VAT1L: variants seen among roughly 807,000 people sequenced by gnomAD.
The protein encoded by VAT1L is vesicle amine transport 1 like, also known as putative NADPH-dependent quinone oxidoreductase VAT1L.
VAT1L carries 34 observed loss-of-function variants against 44.1 expected under a neutral mutation model. The observed-to-expected ratio is 0.77, with a 90% confidence interval of 0.59 to 1.03. The LOEUF (loss-of-function observed/expected upper bound fraction) is 1.03, where lower values mean the gene tolerates loss of function less well. Among genes scored for constraint, VAT1L ranks in the 50% least tolerant of loss-of-function variants. VAT1L has a pLI of 0.00. For synonymous variants in VAT1L, 253 were observed against 202.2 expected, an observed-to-expected ratio of 1.25 and a Z score of -2.13; for missense variants, 615 against 538.8, an observed-to-expected ratio of 1.14 and a Z score of -1.40.
intron 3 of VAT1L, among the ~76,000 whole-genome samples, chr16:77,830,543 T>G (rs2016568015): frequency 6.6e-6 from 1 of 152,144 alleles, no homozygotes. Context: ...TCTCACAAGA[T>G]CTGATGGTTT....
intron 7 of VAT1L, among the ~76,000 whole-genome samples, chr16:77,936,805 G>C (rs2017803280): frequency 6.6e-6 from 1 of 152,188 alleles, no homozygotes. Flanking sequence ...GCAAGGGTTA[G>C]GGAGCAAAAT....
chr16:77,805,442 G>C (rs2016137882), intron 1 of VAT1L, among the ~76,000 whole-genome samples: 1 of 152,194 alleles, frequency 6.6e-6, no homozygotes, highest in Non-Finnish European at 1.5e-5. Flanking sequence ...GGGGCAATGA[G>C]AAAATTAATC....
At chr16:77,896,324 C>T (rs770757668) in intron 7 of VAT1L, among the ~76,000 whole-genome samples, 3 of 152,212 alleles carry the variant, frequency 2.0e-5, no homozygotes, top group Admixed American at 6.5e-5. Flanking sequence ...TGCCATTATC[C>T]CAACCCTGAG....
chr16:77,853,542 G>A (rs2016827239), intron 3 of VAT1L, among the ~76,000 whole-genome samples: 1 of 152,006 alleles, frequency 6.6e-6, no homozygotes, highest in African/African-American at 2.4e-5. Context: ...TAAATCACAG[G>A]GAATGTGCCA....
chr16:77,796,946 GAAT>G (rs2015946175), intron 1 of VAT1L, among the ~76,000 whole-genome samples: 1 of 152,124 alleles, frequency 6.6e-6, no homozygotes, highest in Admixed American at 6.5e-5. Flanking sequence ...ACACTGAGTA[GAAT>G]AATAGACACT....
At chr16:77,909,920 G>C (rs1049694994) in intron 7 of VAT1L, among the ~76,000 whole-genome samples, 1 of 152,132 alleles carries the variant, frequency 6.6e-6, no homozygotes, top group African/African-American at 2.4e-5. Context: ...TCGTAAGAAC[G>C]GCTCCTGCGA....
chr16:77,802,615 AACACACACAC>A (rs57906062), intron 1 of VAT1L, among the ~76,000 whole-genome samples: 4,909 of 111,920 alleles, frequency 0.044, 104 homozygotes, highest in East Asian at 0.09. Context: ...CCCCATCTCA[AACACACACAC>A]ACACACACAC....
chr16:77,841,719 T>C (rs756403207), intron 3 of VAT1L, among the ~76,000 whole-genome samples: 1 of 152,092 alleles, frequency 6.6e-6, no homozygotes, highest in South Asian at 2.1e-4. Context: ...GCCTGGAAAC[T>C]ATTTCCTCTG....
chr16:77,838,122 G>C (rs2016660207), intron 3 of VAT1L, among the ~76,000 whole-genome samples: 2 of 152,118 alleles, frequency 1.3e-5, no homozygotes, highest in African/African-American at 4.8e-5. Flanking sequence ...GAAATAATTA[G>C]ACTTTAGGGA....
At chr16:77,806,624 T>G (rs1210797818) in intron 1 of VAT1L, among the ~76,000 whole-genome samples, 1 of 152,266 alleles carries the variant, frequency 6.6e-6, no homozygotes, top group African/African-American at 2.4e-5. Context: ...ATTACAGGCG[T>G]GAGCCACCGC....
rs566446333 is a variant in VAT1L, at chr16:77,947,127, G to A, written c.1078-24723G>A. 8.5e-5 allele frequency among the ~76,000 whole-genome samples: 13 copies of A among 152,314 alleles called. No individual in the cohort carries two copies. The South Asian group carries it at 1.5e-3, about 17-fold the overall frequency. The stretch of plus-strand genomic sequence containing the variant: ...GTGAGCCCTTTTCTGTTTCCCTTCC[G>A]TGCCTCTGCAAATGGGCAGAGATAA... On this transcript the variant is annotated intron_variant, in intron 7 of 8. Transcript: ENST00000302536.
intron 7 of VAT1L, among the ~76,000 whole-genome samples, chr16:77,941,661 C>A (rs1302278496): frequency 6.6e-6 from 1 of 152,142 alleles, no homozygotes; most frequent in African/African-American, 2.4e-5. Flanking sequence ...TCTTGGCTCG[C>A]TGCAACCTCC....
intron 3 of VAT1L, among the ~76,000 whole-genome samples, chr16:77,860,727 T>C (rs2016906829): frequency 6.6e-6 from 1 of 152,208 alleles, no homozygotes; most frequent in African/African-American, 2.4e-5. Flanking sequence ...CTTTGCTTTA[T>C]AAAATCTAGA....
At chr16:77,938,910 A>G (rs1316080453) in intron 7 of VAT1L, among the ~76,000 whole-genome samples, 1 of 152,178 alleles carries the variant, frequency 6.6e-6, no homozygotes, top group Non-Finnish European at 1.5e-5. Context: ...AGAGGCAGAT[A>G]AAAGGGGAAA....
intron 7 of VAT1L, among the ~76,000 whole-genome samples, chr16:77,932,667 G>C (rs902590462): frequency 6.6e-6 from 1 of 152,154 alleles, no homozygotes; most frequent in African/African-American, 2.4e-5. Context: ...ACCTGCAGTA[G>C]AAACAGAGTG....
At chr16:77,960,648 A>G (rs534338468) in intron 7 of VAT1L, among the ~76,000 whole-genome samples, 2 of 152,240 alleles carry the variant, frequency 1.3e-5, no homozygotes, top group African/African-American at 4.8e-5. Flanking sequence ...ACTGGAAGCC[A>G]TGGGACAAGG....
intron 3 of VAT1L, among the ~76,000 whole-genome samples, chr16:77,842,013 G>A (rs945576643): frequency 3.4e-4 from 52 of 151,786 alleles, no homozygotes; most frequent in Non-Finnish European, 6.8e-4. Flanking sequence ...TCAGCCTCCC[G>A]AGTAGCTGGA....
chr16:77,808,785 T>C (rs1050810898), intron 1 of VAT1L, among the ~76,000 whole-genome samples: 2 of 152,028 alleles, frequency 1.3e-5, no homozygotes, highest in Non-Finnish European at 2.9e-5. Context: ...TTAGTAGAGA[T>C]GATGTTTTTC....
intron 2 of VAT1L, 28 bp downstream of exon 2, chr16:77,817,078 A>G (rs779141839): frequency 1.9e-6 from 3 of 1,600,816 alleles, no homozygotes; most frequent in Non-Finnish European, 2.6e-6. Context: ...ATTGAAGAGT[A>G]ATATTCATTT....
Sources: allele counts gnomAD v4.1 joint callset (sites outside exome capture counted in the v4.1 genomes callset), GRCh38; gene constraint gnomAD v4.1.1; transcripts MANE v1.5; gene names NCBI Gene and HGNC (gene_info 2026-07-23, HGNC 2026-07-21).